USP21: variants seen among roughly 807,000 people sequenced by gnomAD.
USP21 encodes ubiquitin carboxyl-terminal hydrolase 21.
Under a neutral mutation model 70.8 loss-of-function variants are expected in USP21, and 37 were observed. That is an observed-to-expected ratio of 0.52 (90% CI 0.40 to 0.69). The LOEUF is 0.69. Ranked by LOEUF, USP21 falls within the 30% of genes least tolerant of loss-of-function variation. The pLI, the probability that USP21 is intolerant of heterozygous loss-of-function variation, is 0.00. For missense variants in USP21, 584 were observed against 740.8 expected (o/e 0.79, Z 2.46); for synonymous variants, 263 against 283.1 (o/e 0.93, Z 0.71).
At position 161,164,369 on chromosome 1, in the gene USP21, T is replaced by C. The variant is rs112409158; in HGVS notation, c.1305+119T>C. 86 of 1,326,500 alleles carry C rather than the reference T, an allele frequency of 6.5e-5. No homozygotes were observed. The African/African-American group carries it at 7.7e-4, about 12-fold the overall frequency. 82.2% of individuals were successfully genotyped at this position (1,326,500 alleles called of 1,614,324 possible). A position where few individuals can be genotyped will look rare whatever the true frequency, so the allele number is the denominator to read the frequency against. ...AATAATATTTATGTATCTGGGTTTGTGTTGGAGTCTCAGATCTGTTCTAGT... is the reference window on the plus strand; with the variant it reads ...AATAATATTTATGTATCTGGGTTTGCGTTGGAGTCTCAGATCTGTTCTAGT... On this transcript the variant is annotated intron_variant, in intron 10 of 13. Transcript: ENST00000368002. This position sits in a 1 kb window ranked among gnomAD's most constrained non-coding sequence, Gnocchi z 4.2.
In USP21 at chr1:161,162,499, T is replaced by C. The variant is rs1355309895; in HGVS notation, c.781+109T>C. 4 of 1,550,864 alleles carry C rather than the reference T, an allele frequency of 2.6e-6. No homozygotes were observed. Among genetic ancestry groups the C allele is most frequent in the African/African-American group, 1.4e-5 (1 of 73,446 alleles). ...CCAACCCTTAAATCTGGCAGTTGTA[T>C]CTACTTTTCCCAGTGCCTACTTTCC... On this transcript the variant is annotated intron_variant, in intron 5 of 13. Coordinates refer to ENST00000368002, the MANE Select transcript of USP21 (RefSeq NM_001014443.3). The surrounding 1 kb of genome is among the most constrained non-coding windows in gnomAD (Gnocchi z 4.1).
rs1312644544 is a variant in USP21, at chr1:161,161,103, A to T, written c.463A>T (p.Thr155Ser). The change falls in exon 3 of 14, where the codon ACT becomes TCT. Residue 155 changes from threonine to serine, a missense_variant. By Grantham distance (58) the Thr-to-Ser change is moderately conservative. Coordinates refer to ENST00000368002, the MANE Select transcript of USP21 (RefSeq NM_001014443.3). This position sits in a 1 kb window ranked among gnomAD's most constrained non-coding sequence, Gnocchi z 4.2. ...TGAGCCACCCACTTTGAGACGTAGC[A>T]CTTCTCTCCGCCGCCTAGGGGGCTT... ...RPEPPTLRRS[T>S]SLRRLGGFPG... is the part of the protein sequence containing the mutation. 1.2e-6 allele frequency: 2 copies of T among 1,614,176 alleles called. No individual in the cohort carries two copies. Among genetic ancestry groups the T allele is most frequent in the Non-Finnish European group, 1.7e-6 (2 of 1,180,012 alleles).
rs1657935263 is a variant in USP21 at position 161,161,625 on chromosome 1, G to C, written c.600+385G>C. 2.8e-6 allele frequency: 1 copy of C among 363,502 alleles called. No individual in the cohort carries two copies. Among genetic ancestry groups the C allele is most frequent in the Non-Finnish European group, 5.0e-6 (1 of 198,240 alleles). 22.5% of individuals were successfully genotyped at this position (363,502 alleles called of 1,614,324 possible). On this transcript the variant is annotated intron_variant, in intron 3 of 13. Coordinates refer to ENST00000368002, the MANE Select transcript of USP21 (RefSeq NM_001014443.3). The surrounding 1 kb of genome is among the most constrained non-coding windows in gnomAD (Gnocchi z 4.2). ...GCAAACGTGGTTGCACATTTTCTGAGCTAAGTAAGCTAGGCTGATTGCAAT... is the reference window on the plus strand; with the variant it reads ...GCAAACGTGGTTGCACATTTTCTGACCTAAGTAAGCTAGGCTGATTGCAAT...
chr1:161,162,366 G>C lies in USP21; in HGVS notation c.757G>C (p.Gly253Arg), dbSNP rs750682009. 9 of 1,612,602 alleles carry C rather than the reference G, an allele frequency of 5.6e-6. No homozygotes were observed. The Admixed American group carries it at 1.3e-4, about 24-fold the overall frequency. Residue 253 changes from glycine (G) to arginine (R), a missense_variant, in exon 5 of 14, where the codon GGC (glycine) becomes CGC (arginine). Around this residue, in one of 4 missense-constraint regions of USP21, gnomAD observed 87 missense variants for 162.4 expected, o/e 0.54. Coordinates refer to ENST00000368002, the MANE Select transcript of USP21 (RefSeq NM_001014443.3). This position sits in a 1 kb window ranked among gnomAD's most constrained non-coding sequence, Gnocchi z 4.1. ...RDFRQEVPGG[G>R]RAQELTEAFA... ...CTTCCGGCAAGAGGTGCCTGGAGGA[G>C]GCCGAGCCCAAGAGCTCACTGAAGG... is the stretch of plus-strand genomic sequence containing the variant.
intron 2 of USP21, 32 bp downstream of exon 2, chr1:161,160,538 T>C (rs1657820093): frequency 7.3e-7 from 1 of 1,367,128 alleles, no homozygotes; most frequent in African/African-American, 1.5e-5. Flanking sequence ...TAAGGGAAAA[T>C]TAGTGTGGCA....
rs1638876956 is a variant in USP21, at chr1:161,164,773, G to A, written c.1385-62G>A. ...GGGAGTGGGGAGAGGACAGCTTTCAGGATAGAAGAAGTTCCCCTCAGAGGC... is the reference window on the plus strand; with the variant it reads ...GGGAGTGGGGAGAGGACAGCTTTCAAGATAGAAGAAGTTCCCCTCAGAGGC... On this transcript the variant is annotated intron_variant, in intron 11 of 13. Transcript: ENST00000368002. The surrounding 1 kb of genome is among the most constrained non-coding windows in gnomAD (Gnocchi z 4.2). 16 of 1,597,696 alleles carry A rather than the reference G, an allele frequency of 1.0e-5. No individual in the cohort carries two copies. The highest frequency in any genetic ancestry group is 1.2e-5 in the Non-Finnish European group (14 of 1,170,216).
chr1:161,162,381 C>T lies in USP21; in HGVS notation c.772C>T (p.Leu258Phe). 2 of 1,607,764 alleles carry T rather than the reference C, an allele frequency of 1.2e-6. No homozygotes were observed. The highest frequency in any genetic ancestry group is 1.7e-6 in the Non-Finnish European group (2 of 1,177,044). ...EVPGGGRAQELTEAFADVIGA... is the reference protein window; with the variant it reads ...EVPGGGRAQEFTEAFADVIGA... Reference sequence around the variant, plus strand: ...GCCTGGAGGAGGCCGAGCCCAAGAGCTCACTGAAGGTGGGGCAACAACTCC... The same window carrying T: ...GCCTGGAGGAGGCCGAGCCCAAGAGTTCACTGAAGGTGGGGCAACAACTCC... Residue 258 changes from leucine to phenylalanine, a missense_variant, in exon 5 of 14, where the codon CTC (leucine) becomes TTC (phenylalanine). Physicochemically the swap from Leu to Phe is conservative, Grantham distance 22 (BLOSUM62 0). Around this residue, in one of 4 missense-constraint regions of USP21, gnomAD observed 87 missense variants for 162.4 expected, o/e 0.54. Coordinates refer to ENST00000368002, the MANE Select transcript of USP21 (RefSeq NM_001014443.3). This position sits in a 1 kb window ranked among gnomAD's most constrained non-coding sequence, Gnocchi z 4.1.
In USP21 at chr1:161,164,280, AG is replaced by A; in HGVS notation, c.1305+33del. ...GTGGAGGTTCACAAGGGATACAGTA[AG>A]GGTGGGAGACCTGGGGGGACTCCAT... On this transcript the variant is annotated intron_variant, in intron 10 of 13. Transcript: ENST00000368002. The surrounding 1 kb of genome is among the most constrained non-coding windows in gnomAD (Gnocchi z 4.2). 1 of 1,604,414 alleles carries A rather than the reference AG, an allele frequency of 6.2e-7. No individual in the cohort carries two copies. Among genetic ancestry groups the A allele is most frequent in the Non-Finnish European group, 8.5e-7 (1 of 1,171,218 alleles).
chr1:161,165,009 G>C lies in USP21; in HGVS notation c.1493-20G>C. ...GGGCACAGCTCTGATTATAGAACTTGATCATCTCCAACCCCGCAGGAAGTC... is the reference window on the plus strand; with the variant it reads ...GGGCACAGCTCTGATTATAGAACTTCATCATCTCCAACCCCGCAGGAAGTC... On this transcript the variant is annotated intron_variant, in intron 12 of 13. Transcript: ENST00000368002. The C allele has an allele frequency of 6.2e-7, 1 of 1,613,732 alleles. No individual in the cohort carries two copies. Among genetic ancestry groups the C allele is most frequent in the Non-Finnish European group, 8.5e-7 (1 of 1,179,714 alleles).
At chr1:161,160,569 G>T in intron 2 of USP21, 51 bp from the exon 3 acceptor site, 1 of 1,538,618 alleles carries the variant, frequency 6.5e-7, no homozygotes, top group Non-Finnish European at 8.8e-7. Flanking sequence ...CAGCAGCCTG[G>T]GTTCCCATTT....
At chr1:161,165,233 C>A in intron 13 of USP21, 90 bp downstream of exon 13, 1 of 1,440,988 alleles carries the variant, frequency 6.9e-7, no homozygotes, top group South Asian at 1.2e-5. Context: ...AGCAGAGTGC[C>A]AGGTGAAAGG....
At chr1:161,165,255 T>A (rs573748194) in intron 13 of USP21, 102 bp from the exon 14 acceptor site, 1 of 1,404,806 alleles carries the variant, frequency 7.1e-7, no homozygotes, top group Non-Finnish European at 1.0e-6. Context: ...GAGGTGGAGG[T>A]CTTGCCTGAT....
At chr1:161,163,646 G>GA (rs1259534980) in intron 8 of USP21, 27 bp downstream of exon 8, 1 of 1,536,524 alleles carries the variant, frequency 6.5e-7, no homozygotes, top group Non-Finnish European at 8.8e-7. Context: ...AGCAATGAGG[G>GA]AAAATTAGTG....
rs1657917140 is a variant in USP21, at chr1:161,161,336, C to T, written c.600+96C>T. ...TCTGTCCCCCATTTCCCTGAAGTTC[C>T]TTTCTCAGCCCTTCATTACAGCAGT... is the stretch of plus-strand genomic sequence containing the variant. On this transcript the variant is annotated intron_variant, in intron 3 of 13. Coordinates refer to ENST00000368002, the MANE Select transcript of USP21 (RefSeq NM_001014443.3). The surrounding 1 kb of genome is among the most constrained non-coding windows in gnomAD (Gnocchi z 4.2). 4 of 1,442,512 alleles carry T rather than the reference C, an allele frequency of 2.8e-6. No homozygotes were observed. Among genetic ancestry groups the T allele is most frequent in the Admixed American group, 2.2e-5 (1 of 44,984 alleles). The allele number at this position is 1,442,512 out of a possible 1,614,324, so 89.4% of individuals were successfully genotyped here.
chr1:161,164,723 T>C lies in USP21; in HGVS notation c.1384+111T>C, dbSNP rs528600088. 3.8e-5 allele frequency: 61 copies of C among 1,601,138 alleles called. No homozygotes were observed. The African/African-American group carries it at 6.4e-4, about 17-fold the overall frequency. Reference sequence around the variant, plus strand: ...CTTAGGAAAAGTCTGCCACCCACTTTTCCACAAGATGCTCCCAGTGTGTCG... The same window carrying C: ...CTTAGGAAAAGTCTGCCACCCACTTCTCCACAAGATGCTCCCAGTGTGTCG... On this transcript the variant is annotated intron_variant, in intron 11 of 13. Transcript: ENST00000368002. The surrounding 1 kb of genome is among the most constrained non-coding windows in gnomAD (Gnocchi z 4.2).
chr1:161,161,725 G>C lies in USP21; in HGVS notation c.601-313G>C. ...TTTTGGGGGCAGAAAGGTGGGAGTG[G>C]TGAGCAGCTGGGCAACCATGCCGGT... On this transcript the variant is annotated intron_variant, in intron 3 of 13. Coordinates refer to ENST00000368002, the MANE Select transcript of USP21 (RefSeq NM_001014443.3). The surrounding 1 kb of genome is among the most constrained non-coding windows in gnomAD (Gnocchi z 4.2). 4.1e-6 allele frequency: 2 copies of C among 482,414 alleles called. No homozygotes were observed. Among genetic ancestry groups the C allele is most frequent in the Non-Finnish European group, 7.5e-6 (2 of 266,790 alleles). 29.9% of individuals were successfully genotyped at this position (482,414 alleles called of 1,614,324 possible).
At position 161,162,705 on chromosome 1, in the gene USP21, T is replaced by G; in HGVS notation, c.872T>G (p.Val291Gly). The G allele has an allele frequency of 6.2e-7, 1 of 1,613,494 alleles. No homozygotes were observed. Among genetic ancestry groups the G allele is most frequent in the Non-Finnish European group, 8.5e-7 (1 of 1,179,372 alleles). The change falls in exon 6 of 14, where the codon GTT becomes GGT. Residue 291 changes from valine (V) to glycine (G), a missense_variant. Coordinates refer to ENST00000368002, the MANE Select transcript of USP21 (RefSeq NM_001014443.3). The surrounding 1 kb of genome is among the most constrained non-coding windows in gnomAD (Gnocchi z 4.1). The stretch of plus-strand genomic sequence containing the variant: ...TTCCGAGCTGTCTTCCAGAAATATG[T>G]TCCCTCCTTCTCTGGATACAGGTGG... The part of the protein sequence containing the change: ...TRFRAVFQKY[V>G]PSFSGYSQQD...
chr1:161,164,048 AG>A lies in USP21; in HGVS notation c.1218+68del. ...CTGTGACCCAAGCCTACCCACCCCCAGAGTGTGGGCGGGAACCCTGTGGGTT... is the reference window on the plus strand; with the variant it reads ...CTGTGACCCAAGCCTACCCACCCCCAAGTGTGGGCGGGAACCCTGTGGGTT... On this transcript the variant is annotated intron_variant, in intron 9 of 13. Transcript: ENST00000368002. The surrounding 1 kb of genome is among the most constrained non-coding windows in gnomAD (Gnocchi z 4.2). The A allele has an allele frequency of 6.3e-7, 1 of 1,584,508 alleles. No individual in the cohort carries two copies. The highest frequency in any genetic ancestry group is 8.7e-7 in the Non-Finnish European group (1 of 1,153,392).
In USP21 at chr1:161,162,447, A is replaced by T; in HGVS notation, c.781+57A>T. 1.3e-6 allele frequency: 2 copies of T among 1,567,116 alleles called. No individual in the cohort carries two copies. The highest frequency in any genetic ancestry group is 1.7e-6 in the Non-Finnish European group (2 of 1,154,704). On this transcript the variant is annotated intron_variant, in intron 5 of 13. Coordinates refer to ENST00000368002, the MANE Select transcript of USP21 (RefSeq NM_001014443.3). This position sits in a 1 kb window ranked among gnomAD's most constrained non-coding sequence, Gnocchi z 4.1. ...AGTCCCTTTTTCCCCAACCACTTGC[A>T]GGTCCATCTGCCACTGGTGGTGGCC...
Sources: gnomAD v4.1 joint callset for allele counts on GRCh38, gnomAD v4.1.1 for gene constraint, gnomAD v4.1.1 regional missense constraint, Gnocchi (gnomAD v3.1) non-coding constraint, MANE v1.5 for transcripts, NCBI Gene and HGNC (gene_info 2026-07-23, HGNC 2026-07-21) for gene names.